PRKG1: variants seen among roughly 807,000 people sequenced by gnomAD.
The protein encoded by PRKG1 is protein kinase cGMP-dependent 1.
In PRKG1, 35 loss-of-function variants were observed where a neutral mutation model predicts 88.1. The ratio of observed to expected loss-of-function variants is 0.40; its 90% CI spans 0.30 to 0.53. The LOEUF (loss-of-function observed/expected upper bound fraction) is 0.53. PRKG1 is among the 20% of genes least tolerant of loss of function. The pLI is 0.59. For missense variants in PRKG1, 540 were observed against 839.8 expected (o/e 0.64, Z 4.41); for synonymous variants, 303 against 292.5 (o/e 1.04, Z -0.37).
chr10:51,484,888 GATTCTATCTGGC>G (rs1840484374), intron 3 of PRKG1, among the ~76,000 whole-genome samples: 1 of 152,166 alleles, frequency 6.6e-6, no homozygotes, highest in East Asian at 1.9e-4. Context: ...AGTACGTCCA[GATTCTATCTGGC>G]AATATTTCTT....
chr10:51,840,239 T>C (rs757102425), intron 4 of PRKG1, among the ~76,000 whole-genome samples: 2 of 152,170 alleles, frequency 1.3e-5, no homozygotes, highest in Non-Finnish European at 2.9e-5. Flanking sequence ...AAGGCATCTG[T>C]GGATGATGTT....
intron 3 of PRKG1, among the ~76,000 whole-genome samples, chr10:51,499,969 A>G (rs535630821): frequency 8.5e-5 from 13 of 152,320 alleles, no homozygotes; most frequent in African/African-American, 3.1e-4. Flanking sequence ...TAAAATAAAA[A>G]GAAAAGAAAA....
chr10:51,617,088 C>T lies in PRKG1; in HGVS notation c.592+149252C>T, dbSNP rs113879515. ...ATGCCATTGCACAGTCTCTCAGCAG[C>T]TCTGTATGTTAGTTTTGAGACCCAT... On this transcript the variant is annotated intron_variant, in intron 3 of 17. Coordinates refer to ENST00000373980, the MANE Select transcript of PRKG1 (RefSeq NM_006258.4). Among the ~76,000 whole-genome samples, 1,314 of 152,220 alleles carry T rather than the reference C, an allele frequency of 8.6e-3. 25 individuals carry two copies. The highest frequency in any genetic ancestry group is 0.03 in the African/African-American group (1,227 of 41,524).
chr10:51,070,001 T>G (rs1261926599), upstream of PRKG1, among the ~76,000 whole-genome samples: 1 of 152,108 alleles, frequency 6.6e-6, no homozygotes, highest in Middle Eastern at 3.2e-3. Flanking sequence ...TGCTGCTCTT[T>G]CAGGATTTTC....
chr10:52,125,368 C>G (rs1010789657), intron 7 of PRKG1, among the ~76,000 whole-genome samples: 3 of 152,190 alleles, frequency 2.0e-5, no homozygotes, highest in Non-Finnish European at 4.4e-5. Context: ...AGGACCCAAA[C>G]TCCACCGTTG....
chr10:51,029,911 G>T (rs1012583582), intron 1 of PRKG1, among the ~76,000 whole-genome samples: 19 of 152,116 alleles, frequency 1.2e-4, no homozygotes, highest in African/African-American at 4.3e-4. Flanking sequence ...TCTCATGTGG[G>T]GAAGATTATG....
intron 3 of PRKG1, among the ~76,000 whole-genome samples, chr10:51,626,354 T>C (rs1839337441): frequency 6.6e-6 from 1 of 152,242 alleles, no homozygotes; most frequent in South Asian, 2.1e-4. Context: ...TTAGGAGCTC[T>C]ATATCATAGG....
At chr10:51,211,472 C>A (rs1410629835) in intron 2 of PRKG1, among the ~76,000 whole-genome samples, 1 of 152,116 alleles carries the variant, frequency 6.6e-6, no homozygotes, top group Non-Finnish European at 1.5e-5. Context: ...ACAGGGCAGT[C>A]AGGCAGGAGA....
At chr10:51,469,909 G>C (rs1011104541) in intron 3 of PRKG1, among the ~76,000 whole-genome samples, 5 of 151,902 alleles carry the variant, frequency 3.3e-5, no homozygotes, top group African/African-American at 1.2e-4. Context: ...AACAATATCT[G>C]TGCGCAACTG....
intron 1 of PRKG1, among the ~76,000 whole-genome samples, chr10:51,093,497 A>C (rs1418284842): frequency 6.6e-6 from 1 of 151,968 alleles, no homozygotes; most frequent in African/African-American, 2.4e-5. Flanking sequence ...TTTCACTTCC[A>C]GGAGAACTTT....
At chr10:51,496,395 CTT>C (rs1840855948) in intron 3 of PRKG1, among the ~76,000 whole-genome samples, 1 of 152,110 alleles carries the variant, frequency 6.6e-6, no homozygotes, top group Admixed American at 6.6e-5. Flanking sequence ...CTGTGTTAAA[CTT>C]ATCAGCATGG....
intron 1 of PRKG1, among the ~76,000 whole-genome samples, chr10:51,058,360 A>G (rs898694073): frequency 6.6e-6 from 1 of 152,118 alleles, no homozygotes; most frequent in Admixed American, 6.6e-5. Flanking sequence ...TTTTGAGTGA[A>G]AAATGTTAAA....
At chr10:51,741,885 A>G (rs1837443714) in intron 3 of PRKG1, among the ~76,000 whole-genome samples, 2 of 152,362 alleles carry the variant, frequency 1.3e-5, no homozygotes, top group South Asian at 2.1e-4. Context: ...CCAGTGGCAG[A>G]TCACCAACTG....
intron 1 of PRKG1, among the ~76,000 whole-genome samples, chr10:51,020,465 T>A (rs1272103546): frequency 1.3e-5 from 2 of 152,200 alleles, no homozygotes; most frequent in Admixed American, 6.5e-5. Flanking sequence ...CTGCATCAAA[T>A]GAACAAAATA....
chr10:51,972,658 C>T (rs1486810238), intron 5 of PRKG1, among the ~76,000 whole-genome samples: 1 of 151,824 alleles, frequency 6.6e-6, no homozygotes, highest in Admixed American at 6.6e-5. Flanking sequence ...TATTTTTTTC[C>T]TGTGTGAAGA....
chr10:51,717,748 C>T (rs1436338411), intron 3 of PRKG1, among the ~76,000 whole-genome samples: 5 of 151,334 alleles, frequency 3.3e-5, no homozygotes. Flanking sequence ...TGGAGAATGG[C>T]GTGAACCCGG....
intron 1 of PRKG1, among the ~76,000 whole-genome samples, chr10:51,058,382 C>T (rs1843656183): frequency 6.6e-6 from 1 of 151,936 alleles, no homozygotes; most frequent in Non-Finnish European, 1.5e-5. Context: ...GCAGAATAGA[C>T]TTAAATTTTT....
chr10:51,675,491 C>T (rs1840687704), intron 3 of PRKG1, among the ~76,000 whole-genome samples: 2 of 152,114 alleles, frequency 1.3e-5, no homozygotes, highest in Admixed American at 6.5e-5. Flanking sequence ...AAATAAGATT[C>T]CCTTTCAGGG....
intron 5 of PRKG1, among the ~76,000 whole-genome samples, chr10:52,020,055 G>A (rs557833993): frequency 3.7e-4 from 56 of 151,172 alleles, no homozygotes; most frequent in African/African-American, 1.3e-3. Flanking sequence ...TATTTTATTA[G>A]TGGGTTGCTT....
Sources: gnomAD v4.1 joint callset for allele counts (sites outside exome capture counted in the v4.1 genomes callset) on GRCh38, gnomAD v4.1.1 for gene constraint, MANE v1.5 for transcripts, NCBI Gene and HGNC (gene_info 2026-07-23, HGNC 2026-07-21) for gene names.